Variants in DNAJC15 observed in about 807,000 individuals in gnomAD.
DNAJC15 encodes the protein dnaJ homolog subfamily C member 15.
In DNAJC15, 27 loss-of-function variants were observed where a neutral mutation model predicts 22.4. That is an observed-to-expected ratio of 1.20 (90% CI 0.89 to 1.66). The LOEUF (loss-of-function observed/expected upper bound fraction) is 1.66, where lower values mean the gene tolerates loss of function less well. Among genes scored for constraint, DNAJC15 ranks in the 40% most tolerant of loss-of-function variants. DNAJC15 has a pLI of 0.00. For synonymous variants in DNAJC15, 79 were observed against 63.2 expected (o/e 1.25, Z -1.19); for missense variants, 208 against 187.1 (o/e 1.11, Z -0.65).
At position 43,101,622 on chromosome 13, in the gene DNAJC15, T is replaced by G. The variant is rs547953011; in HGVS notation, c.383-5556T>G. On this transcript the variant is annotated intron_variant, in intron 5 of 5. Transcript: ENST00000379221. ...CCATTATATCATTCTTATGCCCTTGTGTCCTCCAAAGTCCATTATATCATT... is the reference window on the plus strand; with the variant it reads ...CCATTATATCATTCTTATGCCCTTGGGTCCTCCAAAGTCCATTATATCATT... 3.9e-5 allele frequency among the ~76,000 whole-genome samples: 6 copies of G among 152,274 alleles called. No homozygotes were observed. In the East Asian group the frequency reaches 9.6e-4, roughly 24 times the overall value.
chr13:43,023,921 G>T (rs1033739756), intron 1 of DNAJC15, among the ~76,000 whole-genome samples, 187 bp downstream of exon 1: 1 of 152,238 alleles, frequency 6.6e-6, no homozygotes. Context: ...GTGGAAGACG[G>T]AGCAGTTCTG....
intron 4 of DNAJC15, among the ~76,000 whole-genome samples, chr13:43,081,058 C>G (rs1340316245): frequency 6.6e-6 from 1 of 152,292 alleles, no homozygotes; most frequent in East Asian, 1.9e-4. Context: ...CTAGATGATA[C>G]TATACATTCT....
At chr13:43,033,040 AC>A (rs2040411014) in intron 1 of DNAJC15, among the ~76,000 whole-genome samples, 1 of 152,046 alleles carries the variant, frequency 6.6e-6, no homozygotes, top group Non-Finnish European at 1.5e-5. Flanking sequence ...GGTGCTGCAT[AC>A]CCCCAGAAAA....
rs375029640 is a variant in DNAJC15 at position 43,078,752 on chromosome 13, C to T, written c.311+64C>T. ...AAGCTTGTCTTTAAAAAAGAGAAAACGTTACAATAAGGTTATACTTAGACT... is the reference window on the plus strand; with the variant it reads ...AAGCTTGTCTTTAAAAAAGAGAAAATGTTACAATAAGGTTATACTTAGACT... On this transcript the variant is annotated intron_variant, in intron 4 of 5. Coordinates refer to ENST00000379221, the MANE Select transcript of DNAJC15 (RefSeq NM_013238.3). 8.3e-5 allele frequency: 122 copies of T among 1,466,320 alleles called. 1 individual carries two copies. In the African/African-American group the frequency reaches 9.2e-4, roughly 11 times the overall value. The allele number at this position is 1,466,320 out of a possible 1,614,324, so 90.8% of individuals were successfully genotyped here.
intron 1 of DNAJC15, among the ~76,000 whole-genome samples, chr13:43,055,157 C>G (rs1182712099): frequency 6.6e-6 from 1 of 151,766 alleles, no homozygotes; most frequent in African/African-American, 2.4e-5. Context: ...GGAACAGACA[C>G]AGAAACTCTC....
chr13:43,096,417 C>G (rs749376685), intron 5 of DNAJC15, among the ~76,000 whole-genome samples: 9 of 152,124 alleles, frequency 5.9e-5, no homozygotes, highest in Non-Finnish European at 1.3e-4. Context: ...TAGATCTTAT[C>G]TAGAATTTTG....
chr13:43,106,617 G>T (rs1424824695), intron 5 of DNAJC15, among the ~76,000 whole-genome samples: 1 of 151,934 alleles, frequency 6.6e-6, no homozygotes, highest in African/African-American at 2.4e-5. Context: ...CATTTATTAA[G>T]ATTAGATCAT....
intron 3 of DNAJC15, among the ~76,000 whole-genome samples, chr13:43,070,074 G>C (rs980974691): frequency 6.6e-6 from 1 of 152,086 alleles, no homozygotes; most frequent in African/African-American, 2.4e-5. Context: ...CAATGTTTAT[G>C]TATAGTATCT....
chr13:43,031,708 G>A (rs2040404779), intron 1 of DNAJC15, among the ~76,000 whole-genome samples: 2 of 152,164 alleles, frequency 1.3e-5, no homozygotes, highest in Admixed American at 1.3e-4. Context: ...TGAATAAATT[G>A]AGGCTTAAAG....
In DNAJC15 at chr13:43,112,856, C is replaced by T. The variant is rs950356164; in HGVS notation, c.*5608C>T. ...AATCAGAATGAAGGGGCTTGTATGA[C>T]TTTTGGCTCATTTTTTGATGCATGT... On this transcript the variant is annotated 3_prime_UTR_variant, in exon 6 of 6. Coordinates refer to ENST00000379221, the MANE Select transcript of DNAJC15 (RefSeq NM_013238.3). The T allele has an allele frequency of 6.6e-6, 1 of 152,120 alleles. No individual in the cohort carries two copies. The highest frequency in any genetic ancestry group is 2.4e-5 in the African/African-American group (1 of 41,400). 9.4% of individuals were successfully genotyped at this position (152,120 alleles called of 1,614,324 possible).
At chr13:43,065,026 A>G (rs2040576883) in intron 1 of DNAJC15, among the ~76,000 whole-genome samples, 1 of 152,128 alleles carries the variant, frequency 6.6e-6, no homozygotes, top group African/African-American at 2.4e-5. Context: ...CTTGCCACAT[A>G]AATCTTTTGT....
At position 43,109,167 on chromosome 13, in the gene DNAJC15, T is replaced by C. The variant is rs2040812975; in HGVS notation, c.*1919T>C. The C allele has an allele frequency of 1.3e-5, 2 of 152,234 alleles. No individual in the cohort carries two copies. Among genetic ancestry groups the C allele is most frequent in the Admixed American group, 6.5e-5 (1 of 15,280 alleles). 9.4% of individuals were successfully genotyped at this position (152,234 alleles called of 1,614,324 possible). ...ACCCAATAAATATTTGTTGAGTGAA[T>C]GAATAAATTCCCATAGCACTTTATT... On this transcript the variant is annotated 3_prime_UTR_variant, in exon 6 of 6. Coordinates refer to ENST00000379221, the MANE Select transcript of DNAJC15 (RefSeq NM_013238.3).
At chr13:43,071,668 A>G (rs1406329465) in intron 3 of DNAJC15, among the ~76,000 whole-genome samples, 1 of 152,188 alleles carries the variant, frequency 6.6e-6, no homozygotes, top group Non-Finnish European at 1.5e-5. Context: ...TAATTATTGA[A>G]CCAAATAGGG....
intron 3 of DNAJC15, among the ~76,000 whole-genome samples, chr13:43,074,509 C>A (rs749727928): frequency 2.0e-5 from 3 of 152,128 alleles, no homozygotes; most frequent in Non-Finnish European, 4.4e-5. Flanking sequence ...TAAACATTTT[C>A]TTTGACCTAC....
At chr13:43,069,914 T>C (rs2153440997) in intron 3 of DNAJC15, among the ~76,000 whole-genome samples, 1 of 152,350 alleles carries the variant, frequency 6.6e-6, no homozygotes, top group East Asian at 1.9e-4. Context: ...TTATATATGT[T>C]ATTTCAATAA....
At chr13:43,090,312 G>A (rs2040708046) in intron 5 of DNAJC15, among the ~76,000 whole-genome samples, 1 of 152,218 alleles carries the variant, frequency 6.6e-6, no homozygotes, top group South Asian at 2.1e-4. Flanking sequence ...TGAGTTGGCT[G>A]CTTGTGATCA....
At chr13:43,028,213 A>G (rs1224308304) in intron 1 of DNAJC15, among the ~76,000 whole-genome samples, 2 of 152,232 alleles carry the variant, frequency 1.3e-5, no homozygotes, top group Non-Finnish European at 2.9e-5. Flanking sequence ...ATACACAAAA[A>G]TAGAAAATTC....
intron 1 of DNAJC15, among the ~76,000 whole-genome samples, chr13:43,049,431 T>C (rs2040492915): frequency 6.6e-6 from 1 of 152,216 alleles, no homozygotes; most frequent in South Asian, 2.1e-4. Context: ...CCCAAGGATA[T>C]GATACTGAAG....
At chr13:43,097,842 C>T (rs2040748407) in intron 5 of DNAJC15, among the ~76,000 whole-genome samples, 1 of 152,142 alleles carries the variant, frequency 6.6e-6, no homozygotes, top group South Asian at 2.1e-4. Context: ...GAGGCTGAGG[C>T]AGGAGAATCA....
Sources: gnomAD v4.1 joint callset for allele counts (sites outside exome capture counted in the v4.1 genomes callset) on GRCh38, gnomAD v4.1.1 for gene constraint, MANE v1.5 for transcripts, NCBI Gene and HGNC (gene_info 2026-07-23, HGNC 2026-07-21) for gene names.